The following DPH6 variants were observed in gnomAD, a reference collection of about 807,000 sequenced individuals.
The protein encoded by DPH6 is diphthine--ammonia ligase.
In DPH6, 33 loss-of-function variants were observed where a neutral mutation model predicts 38.2. That is an observed-to-expected ratio of 0.86 (90% CI 0.65 to 1.15). The LOEUF (loss-of-function observed/expected upper bound fraction) is 1.15, where lower values mean the gene tolerates loss of function less well. Ranked by LOEUF, DPH6 falls within the 50% of genes most tolerant of loss-of-function variation. The probability of loss-of-function intolerance (pLI) is 0.00; values close to 1 mark genes in which losing one functional copy is unlikely to be tolerated. For synonymous variants in DPH6, 108 were observed against 103.0 expected, an observed-to-expected ratio of 1.05 and a Z score of -0.30; for missense variants, 325 against 320.0, an observed-to-expected ratio of 1.02 and a Z score of -0.12.
At chr15:35,270,081 G>A (rs537972910) in intron 3 of DPH6, among the ~76,000 whole-genome samples, 1 of 149,764 alleles carries the variant, frequency 6.7e-6, no homozygotes, top group African/African-American at 2.5e-5. Context: ...TTACAGGCGT[G>A]AGCCACCGCG....
intron 3 of DPH6, among the ~76,000 whole-genome samples, chr15:35,526,395 A>T (rs1462318283): frequency 6.6e-6 from 1 of 152,194 alleles, no homozygotes; most frequent in Non-Finnish European, 1.5e-5. Flanking sequence ...GGGGATCAAT[A>T]TTAGCATAAT....
chr15:35,345,604 T>C (rs2052455486), intron 3 of DPH6, among the ~76,000 whole-genome samples: 1 of 151,956 alleles, frequency 6.6e-6, no homozygotes, highest in African/African-American at 2.4e-5. Context: ...GGATATATTA[T>C]TCATGTTATA....
chr15:35,460,234 G>GA (rs530865131), intron 3 of DPH6, among the ~76,000 whole-genome samples: 3 of 150,172 alleles, frequency 2.0e-5, no homozygotes, highest in East Asian at 2.0e-4. Flanking sequence ...ATCCTCAGAG[G>GA]AAAAAAAAGT....
chr15:35,402,541 C>T (rs1009899745), intron 6 of DPH6, among the ~76,000 whole-genome samples: 1 of 152,040 alleles, frequency 6.6e-6, no homozygotes, highest in Non-Finnish European at 1.5e-5. Flanking sequence ...TAGTTCTAAA[C>T]CTTTAATAGT....
chr15:35,450,636 G>C, intron 5 of DPH6, 49 bp downstream of exon 5: 1 of 1,417,204 alleles, frequency 7.1e-7, no homozygotes, highest in Non-Finnish European at 9.9e-7. Context: ...AGTGAACTGA[G>C]ATCATCTATG....
intron 3 of DPH6, among the ~76,000 whole-genome samples, chr15:35,363,764 G>T (rs77197560): frequency 6.7e-6 from 1 of 149,418 alleles, no homozygotes; most frequent in African/African-American, 2.5e-5. Context: ...CTATTTTTTC[G>T]TACTTCATTA....
At chr15:35,160,018 T>C in the DPH6 span, among the ~76,000 whole-genome samples, 3 of 151,780 alleles carry the variant, frequency 2.0e-5, no homozygotes, top group Non-Finnish European at 4.4e-5. Context: ...GACACAAAGA[T>C]GGAAACAATA....
In DPH6 at chr15:35,408,614, G is replaced by C. The variant is rs7177750; in HGVS notation, c.567+2221C>G. On this transcript the variant is annotated intron_variant, in intron 6 of 8. Coordinates refer to ENST00000256538, the MANE Select transcript of DPH6 (RefSeq NM_080650.4). ...AGACGGAAAATGGAGCCTAAACTAG[G>C]AGTCAGAAAAAGAGTAGGACTATCC... Among the ~76,000 whole-genome samples the C allele has an allele frequency of 4.8e-3, 730 of 152,072 alleles. 3 individuals carry two copies. Among genetic ancestry groups the C allele is most frequent in the African/African-American group, 0.017 (702 of 41,512 alleles).
chr15:35,203,833 A>G, the DPH6 span, among the ~76,000 whole-genome samples: 3 of 151,834 alleles, frequency 2.0e-5, no homozygotes, highest in Non-Finnish European at 4.4e-5. Context: ...TAGCATTTTG[A>G]TAATGTAACA....
chr15:35,213,885 G>A (rs1191611813), downstream of DPH6, among the ~76,000 whole-genome samples: 1 of 152,180 alleles, frequency 6.6e-6, no homozygotes, highest in Non-Finnish European at 1.5e-5. Context: ...GGCCGAGGCG[G>A]GTGGATCACA....
intron 6 of DPH6, chr15:35,401,585 A>G (rs1273200222): frequency 2.0e-5 from 15 of 768,212 alleles, no homozygotes; most frequent in Non-Finnish European, 2.9e-5. Context: ...GGTGGAAGCT[A>G]CAATGATTTT....
At chr15:35,450,106 T>C (rs1000178988) in intron 5 of DPH6, among the ~76,000 whole-genome samples, 2 of 152,116 alleles carry the variant, frequency 1.3e-5, no homozygotes, top group Non-Finnish European at 2.9e-5. Context: ...ATGTCCATAC[T>C]TGAATCAGAT....
chr15:35,423,509 G>A (rs1304446781), intron 5 of DPH6, among the ~76,000 whole-genome samples: 1 of 151,460 alleles, frequency 6.6e-6, no homozygotes, highest in African/African-American at 2.4e-5. Context: ...TTTTCACTCT[G>A]CTCTTTCCTT....
intron 3 of DPH6, among the ~76,000 whole-genome samples, chr15:35,320,941 G>C (rs890603738): frequency 6.6e-6 from 1 of 152,180 alleles, no homozygotes; most frequent in Non-Finnish European, 1.5e-5. Context: ...ATGGGTATGA[G>C]TGGAGTCAGC....
At chr15:35,264,096 GTTTT>G (rs35083341) in intron 3 of DPH6, among the ~76,000 whole-genome samples, 32 of 146,732 alleles carry the variant, frequency 2.2e-4, no homozygotes, top group African/African-American at 7.2e-4. Flanking sequence ...TTTAAGCCTT[GTTTT>G]TTTTTTTAAT....
intron 3 of DPH6, among the ~76,000 whole-genome samples, chr15:35,279,066 A>AT (rs3028680): frequency 7.9e-4 from 77 of 97,986 alleles, no homozygotes; most frequent in South Asian, 1.9e-3. Context: ...AAAAAAAAAA[A>AT]AAATATATAT....
chr15:35,384,570 G>C (rs914048145), intron 6 of DPH6, among the ~76,000 whole-genome samples: 36 of 152,284 alleles, frequency 2.4e-4, no homozygotes, highest in African/African-American at 8.2e-4. Flanking sequence ...GGCTGAGGCA[G>C]GAGAATCGCT....
At chr15:35,423,544 G>C (rs1269823098) in intron 5 of DPH6, among the ~76,000 whole-genome samples, 2 of 151,410 alleles carry the variant, frequency 1.3e-5, no homozygotes, top group Non-Finnish European at 3.0e-5. Context: ...TTTTTAGTTT[G>C]ATGCAATCCT....
intron 3 of DPH6, chr15:35,521,502 T>G: frequency 8.2e-7 from 1 of 1,215,324 alleles, no homozygotes; most frequent in Non-Finnish European, 1.0e-6. Context: ...AGAATCAAAG[T>G]GCTGATAGGA....
Sources: allele counts gnomAD v4.1 joint callset (sites outside exome capture counted in the v4.1 genomes callset), GRCh38; gene constraint gnomAD v4.1.1; transcripts MANE v1.5; gene names NCBI Gene and HGNC (gene_info 2026-07-23, HGNC 2026-07-21).